The following PODXL2 variants were observed in gnomAD, a reference collection of about 807,000 sequenced individuals.
PODXL2 encodes the protein podocalyxin-like protein 2.
In PODXL2, 17 loss-of-function variants were observed where a neutral mutation model predicts 53.4. The ratio of observed to expected loss-of-function variants is 0.32; its 90% CI spans 0.22 to 0.48. The LOEUF (loss-of-function observed/expected upper bound fraction) is 0.48, where lower values mean the gene tolerates loss of function less well. Among genes scored for constraint, PODXL2 ranks in the 20% least tolerant of loss-of-function variants. The pLI is 0.99. For missense variants in PODXL2, 673 were observed against 760.0 expected (o/e 0.89, Z 1.35); for synonymous variants, 311 against 306.7 (o/e 1.01, Z -0.15).
chr3:127,668,212 G>T (rs902523206), intron 4 of PODXL2, among the ~76,000 whole-genome samples: 2 of 152,298 alleles, frequency 1.3e-5, no homozygotes, highest in Admixed American at 1.3e-4. Context: ...CATGGCTAGA[G>T]GCCAGGGCAG....
chr3:127,665,100 C>G (rs2074788780), intron 4 of PODXL2, among the ~76,000 whole-genome samples: 1 of 152,194 alleles, frequency 6.6e-6, no homozygotes, highest in Non-Finnish European at 1.5e-5. Flanking sequence ...TGATTACCTA[C>G]CTTATTTCAA....
chr3:127,656,596 G>A lies in PODXL2; in HGVS notation c.350-3782G>A, dbSNP rs544937286. 3.2e-3 allele frequency among the ~76,000 whole-genome samples: 480 copies of A among 151,904 alleles called. 1 individual carries two copies. Among genetic ancestry groups the A allele is most frequent in the Non-Finnish European group, 5.0e-3 (338 of 67,946 alleles). ...CTAAAAATACAAACATTAGCCGGGC[G>A]TGGTGGTGCATGCCTATAGTCCCAG... On this transcript the variant is annotated intron_variant, in intron 2 of 7. Transcript: ENST00000342480.
At chr3:127,657,109 G>A (rs1242842334) in intron 2 of PODXL2, among the ~76,000 whole-genome samples, 1 of 152,214 alleles carries the variant, frequency 6.6e-6, no homozygotes, top group East Asian at 1.9e-4. Flanking sequence ...AGATAAGTTA[G>A]TGGCTGAGTC....
intron 7 of PODXL2, 87 bp from the exon 8 acceptor site, chr3:127,672,181 C>T: frequency 9.2e-7 from 1 of 1,088,842 alleles, no homozygotes; most frequent in Non-Finnish European, 1.3e-6. Context: ...CGGGAACCCC[C>T]TGGGTGGGGT....
chr3:127,671,688 G>A (rs2074841970), intron 7 of PODXL2, 75 bp downstream of exon 7: 6 of 1,421,616 alleles, frequency 4.2e-6, no homozygotes, highest in Non-Finnish European at 5.9e-6. Context: ...TCATCTGCAA[G>A]GGGAGGCAGT....
intron 2 of PODXL2, among the ~76,000 whole-genome samples, chr3:127,647,610 G>A (rs779958541): frequency 9.9e-5 from 15 of 152,086 alleles, no homozygotes; most frequent in African/African-American, 3.1e-4. Flanking sequence ...TCCAGCACTC[G>A]GCGTGCCGCC....
At chr3:127,647,661 C>T (rs1172904547) in intron 2 of PODXL2, among the ~76,000 whole-genome samples, 1 of 152,224 alleles carries the variant, frequency 6.6e-6, no homozygotes, top group Non-Finnish European at 1.5e-5. Flanking sequence ...CAGTCATGCT[C>T]GGCTTTCCCT....
intron 4 of PODXL2, among the ~76,000 whole-genome samples, chr3:127,666,954 T>G (rs1457759785): frequency 6.6e-6 from 1 of 152,222 alleles, no homozygotes; most frequent in African/African-American, 2.4e-5. Context: ...AGTGCTTGTT[T>G]TGTAACCAGG....
intron 2 of PODXL2, among the ~76,000 whole-genome samples, chr3:127,657,994 G>A (rs141592245): frequency 1.1e-3 from 166 of 152,136 alleles, no homozygotes; most frequent in Middle Eastern, 3.4e-3. Context: ...TTGCTTTATG[G>A]TCCCACCCTT....
At chr3:127,631,812 G>T (rs2074548455) in intron 1 of PODXL2, among the ~76,000 whole-genome samples, 1 of 152,132 alleles carries the variant, frequency 6.6e-6, no homozygotes, top group African/African-American at 2.4e-5. Flanking sequence ...CAAGTTCTAT[G>T]TAAAGACAAA....
intron 1 of PODXL2, among the ~76,000 whole-genome samples, chr3:127,637,114 A>G (rs1311280702): frequency 1.3e-5 from 2 of 152,072 alleles, no homozygotes; most frequent in Non-Finnish European, 1.5e-5. Context: ...GTGAGCCACC[A>G]CACCCAGCCC....
Position 127,672,762 on chromosome 3 carries a change from G to C in PODXL2, c.*282G>C, listed in dbSNP as rs980724736. The C allele has an allele frequency of 1.0e-5, 4 of 390,780 alleles. No individual in the cohort carries two copies. In the East Asian group the frequency reaches 1.7e-4, roughly 17 times the overall value. The allele number at this position is 390,780 out of a possible 1,614,324, so 24.2% of individuals were successfully genotyped here. On this transcript the variant is annotated 3_prime_UTR_variant, in exon 8 of 8. Transcript: ENST00000342480. ...GCGGGCGGCGCTTCCTGCGCCCCGG[G>C]ACTCAATTAAACCCGCCCGGAGACC...
chr3:127,672,252 C>T lies in PODXL2; in HGVS notation c.1606-16C>T. On this transcript the variant is annotated splice_polypyrimidine_tract_variant and intron_variant, in intron 7 of 7. Transcript: ENST00000342480. ...GCTGGCTCGCTCGCCCATGGCCTCTCCCCACCCCGCCTCAGTCGCACGGCG... is the reference window on the plus strand; with the variant it reads ...GCTGGCTCGCTCGCCCATGGCCTCTTCCCACCCCGCCTCAGTCGCACGGCG... 1 of 1,539,148 alleles carries T rather than the reference C, an allele frequency of 6.5e-7. No homozygotes were observed. Among genetic ancestry groups the T allele is most frequent in the South Asian group, 1.2e-5 (1 of 83,964 alleles).
chr3:127,647,031 C>T (rs1576429324), intron 2 of PODXL2, among the ~76,000 whole-genome samples: 8 of 152,210 alleles, frequency 5.3e-5, no homozygotes, highest in South Asian at 2.1e-4. Context: ...TGATGGTCCC[C>T]GGGCCCAGTG....
intron 1 of PODXL2, among the ~76,000 whole-genome samples, chr3:127,631,034 T>C (rs770327535): frequency 4.3e-4 from 66 of 152,324 alleles, no homozygotes; most frequent in South Asian, 2.1e-4. Context: ...ATGACGCACT[T>C]CTTACCCCCT....
intron 4 of PODXL2, among the ~76,000 whole-genome samples, chr3:127,667,966 G>A (rs1327078630): frequency 1.3e-5 from 2 of 152,136 alleles, no homozygotes; most frequent in African/African-American, 2.4e-5. Context: ...ACCTCTTTTG[G>A]CCATCACCAC....
chr3:127,671,677 C>A, intron 7 of PODXL2, 64 bp downstream of exon 7: 2 of 1,496,212 alleles, frequency 1.3e-6, no homozygotes, highest in South Asian at 1.1e-5. Flanking sequence ...GATAGGTGTC[C>A]TCATCTGCAA....
At chr3:127,644,803 G>A (rs1261130409) in intron 2 of PODXL2, among the ~76,000 whole-genome samples, 1 of 152,188 alleles carries the variant, frequency 6.6e-6, no homozygotes, top group Non-Finnish European at 1.5e-5. Flanking sequence ...CCCAGGATGG[G>A]CAGAAGGCTA....
At chr3:127,640,927 T>A (rs2074614476) in intron 2 of PODXL2, among the ~76,000 whole-genome samples, 1 of 152,196 alleles carries the variant, frequency 6.6e-6, no homozygotes, top group Non-Finnish European at 1.5e-5. Flanking sequence ...TTATTTATTT[T>A]TTTGAGATGG....
Sources: gnomAD v4.1 joint callset for allele counts (sites outside exome capture counted in the v4.1 genomes callset) on GRCh38, gnomAD v4.1.1 for gene constraint, MANE v1.5 for transcripts, NCBI Gene and HGNC (gene_info 2026-07-23, HGNC 2026-07-21) for gene names.